Variants in TEC observed in about 807,000 individuals in gnomAD.
TEC encodes tyrosine-protein kinase Tec.
A neutral mutation model predicts 93.0 loss-of-function variants in TEC; 72 were observed. That is an observed-to-expected ratio of 0.77 (90% CI 0.64 to 0.94). The LOEUF is 0.94. TEC is among the 40% of genes least tolerant of loss of function. TEC has a pLI of 0.00. For synonymous variants in TEC, 249 were observed against 247.7 expected (o/e 1.01, Z -0.05); for missense variants, 630 against 757.9 (o/e 0.83, Z 1.98).
intron 2 of TEC, among the ~76,000 whole-genome samples, chr4:48,212,110 A>AAAATATATATATATATAT: frequency 8.2e-6 from 1 of 122,266 alleles, no homozygotes; most frequent in African/African-American, 3.0e-5. Flanking sequence ...AAAAAAAAAA[A>AAAATATATATATATATAT]ATATATATAT....
chr4:48,163,020 AT>A (rs369798763), intron 8 of TEC, among the ~76,000 whole-genome samples: 31 of 149,578 alleles, frequency 2.1e-4, no homozygotes, highest in African/African-American at 3.9e-4. Context: ...ACGTTATCCC[AT>A]TTTTTTTTTA....
At chr4:48,139,091 T>G (rs998517841) in intron 15 of TEC, 69 bp from the exon 16 acceptor site, 3 of 1,356,950 alleles carry the variant, frequency 2.2e-6, no homozygotes, top group Non-Finnish European at 3.1e-6. Flanking sequence ...GCTCTTTCAT[T>G]TTTTTCCCCT....
chr4:48,252,045 A>G (rs1724218308), intron 1 of TEC, among the ~76,000 whole-genome samples: 1 of 152,248 alleles, frequency 6.6e-6, no homozygotes, highest in Non-Finnish European at 1.5e-5. Flanking sequence ...ATTTCACTAG[A>G]TAACAGAACG....
In TEC at chr4:48,232,981, C is replaced by G. The variant is rs115944407; in HGVS notation, c.-45-4322G>C. On this transcript the variant is annotated intron_variant, in intron 1 of 17. Transcript: ENST00000381501. ...AGAGAGTCCCCGATCCTCTCCACTT[C>G]CATGCCATAGATCTAGGTGACTAAC... is the stretch of plus-strand genomic sequence containing the variant. Among the ~76,000 whole-genome samples, 247 of 152,272 alleles carry G rather than the reference C, an allele frequency of 1.6e-3. 1 individual carries two copies. Among genetic ancestry groups the G allele is most frequent in the African/African-American group, 5.8e-3 (242 of 41,522 alleles).
intron 2 of TEC, among the ~76,000 whole-genome samples, chr4:48,215,524 A>C (rs1723049980): frequency 6.6e-6 from 1 of 152,164 alleles, no homozygotes; most frequent in Non-Finnish European, 1.5e-5. Flanking sequence ...TAATTAATTA[A>C]ATAAATAAAA....
At chr4:48,237,358 T>TA (rs35560015) in intron 1 of TEC, among the ~76,000 whole-genome samples, 9,896 of 151,310 alleles carry the variant, frequency 0.065, 1,135 homozygotes, top group African/African-American at 0.23. Context: ...TAATAATTTT[T>TA]AAAAAAATAG....
chr4:48,229,101 A>G (rs1723573022), intron 1 of TEC, among the ~76,000 whole-genome samples: 1 of 152,192 alleles, frequency 6.6e-6, no homozygotes, highest in African/African-American at 2.4e-5. Context: ...CATGAACAAA[A>G]TGAATTAGCA....
At chr4:48,226,623 A>C (rs1437931718) in intron 2 of TEC, among the ~76,000 whole-genome samples, 1 of 152,042 alleles carries the variant, frequency 6.6e-6, no homozygotes, top group African/African-American at 2.4e-5. Context: ...TGTTATATAT[A>C]TATAACATAC....
chr4:48,213,592 T>C (rs1298209638), intron 2 of TEC, among the ~76,000 whole-genome samples: 4 of 152,206 alleles, frequency 2.6e-5, no homozygotes, highest in Admixed American at 2.0e-4. Context: ...TTTCTACACG[T>C]ACCTGACCAG....
intron 8 of TEC, among the ~76,000 whole-genome samples, chr4:48,160,809 GAGAA>G (rs1560381927): frequency 6.9e-6 from 1 of 144,894 alleles, no homozygotes; most frequent in Non-Finnish European, 1.5e-5. Context: ...GAAAGAGAAA[GAGAA>G]AGAGAGAGAG....
intron 2 of TEC, among the ~76,000 whole-genome samples, chr4:48,227,541 A>G (rs1433713065): frequency 1.3e-5 from 2 of 150,880 alleles, no homozygotes; most frequent in Non-Finnish European, 2.9e-5. Context: ...CTACTCGGGA[A>G]GCTGCGGCAG....
chr4:48,164,695 C>T (rs1364351856), intron 7 of TEC, among the ~76,000 whole-genome samples: 1 of 152,058 alleles, frequency 6.6e-6, no homozygotes, highest in Non-Finnish European at 1.5e-5. Context: ...AGGAGCCAGT[C>T]CCCCTTAGAA....
chr4:48,214,239 C>T (rs905389028), intron 2 of TEC, among the ~76,000 whole-genome samples: 9 of 109,574 alleles, frequency 8.2e-5, no homozygotes, highest in Non-Finnish European at 1.6e-4. Context: ...AACACATATA[C>T]ATTTAACAGG....
intron 9 of TEC, among the ~76,000 whole-genome samples, chr4:48,152,127 G>A (rs1165378861): frequency 6.6e-6 from 1 of 152,140 alleles, no homozygotes; most frequent in Non-Finnish European, 1.5e-5. Flanking sequence ...TAACTGGTCA[G>A]TAAAAAGTAT....
chr4:48,263,770 AC>A (rs1206968023), intron 1 of TEC, among the ~76,000 whole-genome samples: 1 of 152,136 alleles, frequency 6.6e-6, no homozygotes, highest in African/African-American at 2.4e-5. Flanking sequence ...TCTACGTACC[AC>A]CCAACCTAAG....
In TEC at chr4:48,171,550, C is replaced by A. The variant is rs146127075; in HGVS notation, c.244-101G>T. The A allele has an allele frequency of 1.2e-3, 964 of 791,860 alleles. 2 individuals are homozygous for A. In the African/African-American group the frequency reaches 0.015, roughly 12 times the overall value. The allele number at this position is 791,860 out of a possible 1,614,324, so 49.1% of individuals were successfully genotyped here. Reference sequence around the variant, plus strand: ...ACTACAGACACCAATAAATGATTCTCAAATAACTGAAAGTCAATAACTTCA... The same window carrying A: ...ACTACAGACACCAATAAATGATTCTAAAATAACTGAAAGTCAATAACTTCA... On this transcript the variant is annotated intron_variant, in intron 3 of 17. Transcript: ENST00000381501.
intron 15 of TEC, among the ~76,000 whole-genome samples, chr4:48,140,224 T>C (rs1378814236): frequency 6.6e-6 from 1 of 152,218 alleles, no homozygotes; most frequent in Non-Finnish European, 1.5e-5. Flanking sequence ...TTTGCCTGCA[T>C]TTATGAGCAT....
At chr4:48,226,539 A>T (rs1241035872) in intron 2 of TEC, among the ~76,000 whole-genome samples, 2 of 152,002 alleles carry the variant, frequency 1.3e-5, no homozygotes, top group Non-Finnish European at 2.9e-5. Flanking sequence ...ATAAATAGTA[A>T]ATCTATTTTC....
intron 1 of TEC, among the ~76,000 whole-genome samples, chr4:48,263,952 T>A (rs1264738569): frequency 1.3e-5 from 2 of 152,164 alleles, no homozygotes; most frequent in Non-Finnish European, 2.9e-5. Context: ...GACTGAATGG[T>A]GCCAGTCTCT....
Sources: allele counts gnomAD v4.1 joint callset (sites outside exome capture counted in the v4.1 genomes callset), GRCh38; gene constraint gnomAD v4.1.1; transcripts MANE v1.5; gene names NCBI Gene and HGNC (gene_info 2026-07-23, HGNC 2026-07-21).